KIAA0586: variants seen among roughly 807,000 people sequenced by gnomAD.
KIAA0586 encodes protein TALPID3.
Under a neutral mutation model 169.8 loss-of-function variants are expected in KIAA0586, and 144 were observed. That is an observed-to-expected ratio of 0.85 (90% CI 0.74 to 0.97). The LOEUF (loss-of-function observed/expected upper bound fraction) is 0.97, where lower values mean the gene tolerates loss of function less well. KIAA0586 is among the 50% of genes least tolerant of loss of function. The pLI is 0.00. For synonymous variants in KIAA0586, 625 were observed against 612.4 expected (o/e 1.02, Z -0.30); for missense variants, 1,854 against 1,823.0 (o/e 1.02, Z -0.31).
At chr14:58,519,436 A>G (rs1247832052) in intron 29 of KIAA0586, among the ~76,000 whole-genome samples, 1 of 152,182 alleles carries the variant, frequency 6.6e-6, no homozygotes, top group Non-Finnish European at 1.5e-5. Flanking sequence ...ACAAGAGAGA[A>G]TGATAAGATT....
chr14:58,491,610 C>G (rs1238749825), intron 25 of KIAA0586, among the ~76,000 whole-genome samples: 1 of 152,170 alleles, frequency 6.6e-6, no homozygotes, highest in Admixed American at 6.5e-5. Context: ...ACAGGGTGCT[C>G]CAGTGAGGGT....
intron 30 of KIAA0586, among the ~76,000 whole-genome samples, chr14:58,543,131 C>CAA (rs35632146): frequency 0.013 from 1,505 of 119,716 alleles, 23 homozygotes; most frequent in Middle Eastern, 0.021. Context: ...GATTACGTCT[C>CAA]AAAAAAAAAA....
chr14:58,456,262 T>A (rs1366516577), intron 9 of KIAA0586, among the ~76,000 whole-genome samples: 3 of 152,108 alleles, frequency 2.0e-5, no homozygotes, highest in African/African-American at 7.2e-5. Flanking sequence ...TTACCTAGAG[T>A]CAGCCATTTT....
chr14:58,427,836 A>G lies in KIAA0586; in HGVS notation c.-429A>G. On this transcript the variant is annotated 5_prime_UTR_variant, in exon 1 of 31. Transcript: ENST00000652326. ...GGGGTGTGTAAGACTCTGTGGCTGA[A>G]GAAAGCTATTACGCTTCTTATGTGG... is the stretch of plus-strand genomic sequence containing the variant. The G allele has an allele frequency of 7.0e-7, 1 of 1,433,500 alleles. No homozygotes were observed. The highest frequency in any genetic ancestry group is 9.1e-7 in the Non-Finnish European group (1 of 1,093,926). 88.8% of individuals were successfully genotyped at this position (1,433,500 alleles called of 1,614,324 possible).
At chr14:58,535,016 CCA>C (rs1472952765) in intron 29 of KIAA0586, among the ~76,000 whole-genome samples, 1 of 152,170 alleles carries the variant, frequency 6.6e-6, no homozygotes, top group East Asian at 1.9e-4. Flanking sequence ...TCCCTTTCAG[CCA>C]CAGTCTCTAC....
chr14:58,434,654 A>T (rs1038160734), intron 4 of KIAA0586, among the ~76,000 whole-genome samples: 1 of 152,246 alleles, frequency 6.6e-6, no homozygotes, highest in African/African-American at 2.4e-5. Flanking sequence ...ATATGTTAAA[A>T]GATTAATACA....
intron 20 of KIAA0586, among the ~76,000 whole-genome samples, chr14:58,481,041 G>A (rs1314558495): frequency 6.6e-6 from 1 of 152,116 alleles, no homozygotes; most frequent in African/African-American, 2.4e-5. Context: ...AATGAATTAT[G>A]GAAACTAAAA....
At chr14:58,431,332 A>G (rs1039774895) in intron 3 of KIAA0586, among the ~76,000 whole-genome samples, 1 of 151,958 alleles carries the variant, frequency 6.6e-6, no homozygotes, top group African/African-American at 2.4e-5. Context: ...GCGTAATCTC[A>G]GCTCACTGCA....
rs2140368272 is a variant in KIAA0586 at position 58,427,877 on chromosome 14, A to G, written c.-388A>G. 3.6e-6 allele frequency: 5 copies of G among 1,376,740 alleles called. No individual in the cohort carries two copies. Among genetic ancestry groups the G allele is most frequent in the South Asian group, 1.5e-5 (1 of 64,694 alleles). 85.3% of individuals were successfully genotyped at this position (1,376,740 alleles called of 1,614,324 possible). A position where few individuals can be genotyped will look rare whatever the true frequency, so the allele number is the denominator to read the frequency against. ...TCTTATGTGGGTCATTATTTTAAAA[A>G]TAGCATTTCGCTTTTATTTGCTTGA... is the stretch of plus-strand genomic sequence containing the variant. On this transcript the variant is annotated 5_prime_UTR_variant, in exon 1 of 31. Transcript: ENST00000652326.
intron 29 of KIAA0586, among the ~76,000 whole-genome samples, chr14:58,517,487 A>G (rs1447124369): frequency 1.3e-5 from 2 of 152,196 alleles, no homozygotes; most frequent in African/African-American, 4.8e-5. Context: ...GTTGGTGAGG[A>G]TATAGATCAA....
the KIAA0586 span, among the ~76,000 whole-genome samples, chr14:58,559,291 T>C: frequency 6.6e-6 from 1 of 152,188 alleles, no homozygotes; most frequent in African/African-American, 2.4e-5. Flanking sequence ...TCTGCTCAAT[T>C]TTTAGCCTTT....
chr14:58,442,684 T>C, intron 4 of KIAA0586, 22 bp from the exon 5 acceptor site: 9 of 1,494,578 alleles, frequency 6.0e-6, no homozygotes, highest in Non-Finnish European at 8.1e-6. Context: ...TGAATACATT[T>C]TTATTGCTTT....
chr14:58,498,894 A>G lies in KIAA0586; in HGVS notation c.4102A>G (p.Asn1368Asp), dbSNP rs772768503. The G allele has an allele frequency of 1.9e-6, 3 of 1,612,718 alleles. No homozygotes were observed. The highest frequency in any genetic ancestry group is 2.5e-6 in the Non-Finnish European group (3 of 1,179,346). The stretch of plus-strand genomic sequence containing the variant: ...TCTCTATATGCAGCCACCTGTCACT[A>G]ATACACAGTCTTTGGATCAACAATG... ...HSLYMQPPVT[N>D]TQSLDQQCDP... Residue 1368 changes from asparagine to aspartate, a missense_variant, in exon 27 of 31, where the codon AAT (asparagine) becomes GAT (aspartate). Coordinates refer to ENST00000652326, the MANE Select transcript of KIAA0586 (RefSeq NM_001329943.3).
At position 58,453,484 on chromosome 14, in the gene KIAA0586, G is replaced by C. The variant is rs1475565725; in HGVS notation, c.1253+11G>C. Reference sequence around the variant, plus strand: ...TGAGAAAACAAACAGGTAAAAACAAGAGATTGGAATGAAAACTAGATTGAA... The same window carrying C: ...TGAGAAAACAAACAGGTAAAAACAACAGATTGGAATGAAAACTAGATTGAA... On this transcript the variant is annotated intron_variant, in intron 9 of 30. Coordinates refer to ENST00000652326, the MANE Select transcript of KIAA0586 (RefSeq NM_001329943.3). 3 of 1,479,946 alleles carry C rather than the reference G, an allele frequency of 2.0e-6. No homozygotes were observed. In the South Asian group the frequency reaches 4.3e-5, roughly 21 times the overall value. 91.7% of individuals were successfully genotyped at this position (1,479,946 alleles called of 1,614,324 possible).
intron 29 of KIAA0586, among the ~76,000 whole-genome samples, chr14:58,514,396 C>T (rs2044607067): frequency 6.6e-6 from 1 of 152,004 alleles, no homozygotes; most frequent in Non-Finnish European, 1.5e-5. Context: ...GGAATTAAAA[C>T]CACATCTTTT....
At chr14:58,449,286 A>C (rs906481950) in intron 7 of KIAA0586, among the ~76,000 whole-genome samples, 2 of 152,194 alleles carry the variant, frequency 1.3e-5, no homozygotes, top group Non-Finnish European at 2.9e-5. Context: ...CAGCACTTTG[A>C]GAGGCCAAGG....
chr14:58,546,508 AAT>A lies in KIAA0586; in HGVS notation c.4496-1270_4496-1269del, dbSNP rs2046992760. On this transcript the variant is annotated intron_variant, in intron 30 of 30. Coordinates refer to ENST00000652326, the MANE Select transcript of KIAA0586 (RefSeq NM_001329943.3). ...AAAAATTACTGTGACTCTTGTCTGA[AAT>A]ATGTCTTTAAGATTGTTTAAGGTAA... 2.6e-5 allele frequency among the ~76,000 whole-genome samples: 4 copies of A among 152,342 alleles called. No homozygotes were observed. The South Asian group carries it at 6.2e-4, about 24-fold the overall frequency.
In KIAA0586 at chr14:58,437,311, C is replaced by T. The variant is rs184110705; in HGVS notation, c.410+4854C>T. ...CAAATACATGGTGAGTAGTATTACT[C>T]ATTGAGAAAGGAAATCCTTGTGGGG... On this transcript the variant is annotated intron_variant, in intron 4 of 30. Transcript: ENST00000652326. 7.9e-5 allele frequency among the ~76,000 whole-genome samples: 12 copies of T among 152,268 alleles called. No homozygotes were observed. In the East Asian group the frequency reaches 2.3e-3, roughly 29 times the overall value.
rs542449532 is a variant in KIAA0586 at position 58,523,719 on chromosome 14, A to ATATTATTAT, written c.4429+11112_4429+11120dup. 8.8e-4 allele frequency among the ~76,000 whole-genome samples: 131 copies of ATATTATTAT among 149,040 alleles called. No individual in the cohort carries two copies. In the East Asian group the frequency reaches 0.01, roughly 12 times the overall value. ...GAGTAGCATCTGATCTTTTAATTGA[A>ATATTATTAT]TATTATTATTATTATTATTATTATT... On this transcript the variant is annotated intron_variant, in intron 29 of 30. Coordinates refer to ENST00000652326, the MANE Select transcript of KIAA0586 (RefSeq NM_001329943.3).
Sources: gnomAD v4.1 joint callset for allele counts (sites outside exome capture counted in the v4.1 genomes callset) on GRCh38, gnomAD v4.1.1 for gene constraint, MANE v1.5 for transcripts, NCBI Gene and HGNC (gene_info 2026-07-23, HGNC 2026-07-21) for gene names.